The following DCAF6 variants were observed in gnomAD, a reference collection of about 807,000 sequenced individuals.
DCAF6 encodes the protein DDB1- and CUL4-associated factor 6.
Under a neutral mutation model 125.1 loss-of-function variants are expected in DCAF6, and 54 were observed. That is an observed-to-expected ratio of 0.43 (90% CI 0.35 to 0.54). DCAF6 has a LOEUF of 0.54. Among genes scored for constraint, DCAF6 ranks in the 20% least tolerant of loss-of-function variants. The pLI is 0.01. For missense variants in DCAF6, 934 were observed against 1,161.7 expected (o/e 0.80, Z 2.85); for synonymous variants, 371 against 390.4 (o/e 0.95, Z 0.58).
the DCAF6 span, among the ~76,000 whole-genome samples, chr1:167,925,467 A>ATATATATATAT: frequency 8.7e-6 from 1 of 115,564 alleles, no homozygotes; most frequent in African/African-American, 4.3e-5. Context: ...ATATATATAT[A>ATATATATATAT]TATATATACA....
chr1:167,871,076 T>C, the DCAF6 span, among the ~76,000 whole-genome samples: 1 of 152,106 alleles, frequency 6.6e-6, no homozygotes, highest in African/African-American at 2.4e-5. Flanking sequence ...TGTTTTTTTT[T>C]GTTTTTTGTT....
upstream of DCAF6, chr1:167,936,613 T>C: frequency 9.9e-6 from 3 of 302,664 alleles, no homozygotes; most frequent in East Asian, 7.1e-5. Context: ...GAGGGAGGAG[T>C]CGCCATCGCC....
chr1:168,052,357 A>C (rs780296172), intron 17 of DCAF6, among the ~76,000 whole-genome samples: 2 of 152,218 alleles, frequency 1.3e-5, no homozygotes, highest in African/African-American at 2.4e-5. Flanking sequence ...AGAAAAGCTG[A>C]AACACTAAAG....
intron 7 of DCAF6, among the ~76,000 whole-genome samples, chr1:167,996,163 G>A (rs200439229): frequency 6.6e-6 from 1 of 151,710 alleles, no homozygotes; most frequent in Non-Finnish European, 1.5e-5. Context: ...TTTCCTTACC[G>A]CCTCTAATAA....
intron 1 of DCAF6, among the ~76,000 whole-genome samples, chr1:167,937,835 G>GT (rs1398821111): frequency 6.6e-6 from 1 of 151,668 alleles, no homozygotes; most frequent in Non-Finnish European, 1.5e-5. Context: ...GGTCTTTTTT[G>GT]TTTCTTCCTG....
intron 3 of DCAF6, among the ~76,000 whole-genome samples, chr1:167,970,825 T>A (rs965019692): frequency 3.3e-5 from 5 of 152,034 alleles, no homozygotes; most frequent in South Asian, 2.1e-4. Context: ...CTTAGTTTTT[T>A]AAAAAAATAG....
chr1:167,893,001 C>T, the DCAF6 span, among the ~76,000 whole-genome samples: 1 of 152,086 alleles, frequency 6.6e-6, no homozygotes, highest in South Asian at 2.1e-4. Flanking sequence ...AGAATAAATA[C>T]ATGAACTAGC....
rs113770603 is a variant in DCAF6 at position 167,994,096 on chromosome 1, A to G, written c.903+656A>G. Among the ~76,000 whole-genome samples the G allele has an allele frequency of 6.2e-3, 947 of 152,132 alleles. 8 individuals carry two copies. Among genetic ancestry groups the G allele is most frequent in the Admixed American group, 0.011 (168 of 15,272 alleles). On this transcript the variant is annotated intron_variant, in intron 7 of 21. Transcript: ENST00000367840. ...TTATAATTAATAGTAAATAATTACT[A>G]GCGTCTATTCTTAATAATGTATTAG...
intron 1 of DCAF6, among the ~76,000 whole-genome samples, chr1:167,946,722 A>C (rs1673148406): frequency 6.6e-6 from 1 of 152,144 alleles, no homozygotes. Flanking sequence ...TATAAAACCC[A>C]CTTGATCATG....
chr1:167,920,697 T>C, the DCAF6 span: 1 of 1,472,914 alleles, frequency 6.8e-7, no homozygotes, highest in African/African-American at 1.4e-5. Context: ...TAACTTTAAA[T>C]CAAGCACAAG....
the DCAF6 span, chr1:167,880,079 C>T: frequency 1.6e-4 from 251 of 1,581,060 alleles, no homozygotes; most frequent in African/African-American, 1.3e-3. Flanking sequence ...GCTGTGTTTG[C>T]AGAAAGAAAG....
chr1:167,929,815 C>A, the DCAF6 span, among the ~76,000 whole-genome samples: 1 of 152,130 alleles, frequency 6.6e-6, no homozygotes, highest in Non-Finnish European at 1.5e-5. Context: ...TTCACTATAT[C>A]CCTCTGTGAA....
intron 16 of DCAF6, among the ~76,000 whole-genome samples, chr1:168,046,585 T>A (rs1406438185): frequency 6.6e-6 from 1 of 152,180 alleles, no homozygotes; most frequent in African/African-American, 2.4e-5. Flanking sequence ...ATCTTCTCTT[T>A]ACCTGTACAC....
chr1:168,071,778 T>C (rs1265253722), intron 21 of DCAF6, among the ~76,000 whole-genome samples: 1 of 152,212 alleles, frequency 6.6e-6, no homozygotes, highest in Non-Finnish European at 1.5e-5. Context: ...CCAGACTTCT[T>C]ACTCTGGCCT....
chr1:167,882,241 T>C, the DCAF6 span, among the ~76,000 whole-genome samples: 961 of 152,252 alleles, frequency 6.3e-3, 17 homozygotes, highest in African/African-American at 0.022. Context: ...TCCCAGCACT[T>C]TGGGAGGCCG....
At chr1:168,013,658 A>G (rs1207371852) in intron 10 of DCAF6, among the ~76,000 whole-genome samples, 1 of 151,884 alleles carries the variant, frequency 6.6e-6, no homozygotes, top group Non-Finnish European at 1.5e-5. Flanking sequence ...TTTAAGCATC[A>G]TCTTTCTCTC....
chr1:167,868,563 AG>A, the DCAF6 span, among the ~76,000 whole-genome samples: 1 of 152,130 alleles, frequency 6.6e-6, no homozygotes, highest in East Asian at 1.9e-4. Flanking sequence ...GGGACTAGAC[AG>A]CCCCCCACTA....
intron 10 of DCAF6, among the ~76,000 whole-genome samples, chr1:168,008,352 C>G (rs1166262756): frequency 6.6e-6 from 1 of 152,152 alleles, no homozygotes; most frequent in East Asian, 1.9e-4. Context: ...TTGGCTCCTT[C>G]TTGGTCCATT....
the DCAF6 span, among the ~76,000 whole-genome samples, chr1:167,925,442 CATATATATATAT>C: frequency 7.0e-4 from 58 of 82,480 alleles, no homozygotes; most frequent in East Asian, 1.2e-3. Flanking sequence ...TACATATACA[CATATATATATAT>C]ATATATATAT....
Sources: allele counts gnomAD v4.1 joint callset (sites outside exome capture counted in the v4.1 genomes callset), GRCh38; gene constraint gnomAD v4.1.1; transcripts MANE v1.5; gene names NCBI Gene and HGNC (gene_info 2026-07-23, HGNC 2026-07-21).